STK3: variants seen among roughly 807,000 people sequenced by gnomAD.
STK3 encodes serine/threonine kinase 3, also known as serine/threonine-protein kinase 3.
Under a neutral mutation model 58.0 loss-of-function variants are expected in STK3, and 41 were observed. That is an observed-to-expected ratio of 0.71 (90% confidence interval 0.55 to 0.92). The LOEUF is 0.92. Ranked by LOEUF, STK3 falls within the 40% of genes least tolerant of loss-of-function variation. STK3 has a pLI of 0.00. For missense variants in STK3, 479 were observed against 602.7 expected, an observed-to-expected ratio of 0.79 and a Z score of 2.15; for synonymous variants, 170 against 191.0, an observed-to-expected ratio of 0.89 and a Z score of 0.91.
chr8:98,678,108 G>A (rs1345286720), intron 6 of STK3, among the ~76,000 whole-genome samples: 1 of 152,058 alleles, frequency 6.6e-6, no homozygotes, highest in Non-Finnish European at 1.5e-5. Context: ...ATTATTAATT[G>A]CATGTTTTCT....
At chr8:98,560,365 C>T (rs1051426621) in intron 8 of STK3, among the ~76,000 whole-genome samples, 23 of 151,882 alleles carry the variant, frequency 1.5e-4, no homozygotes, top group Non-Finnish European at 8.8e-5. Flanking sequence ...TGTGTGGCAA[C>T]GTCACAGGAT....
intron 9 of STK3, among the ~76,000 whole-genome samples, chr8:98,543,272 C>T (rs1372618480): frequency 6.6e-6 from 1 of 152,116 alleles, no homozygotes. Flanking sequence ...TAAGTAGGAA[C>T]CAGAGCATAT....
At chr8:98,708,903 G>A (rs1396713483) in intron 4 of STK3, among the ~76,000 whole-genome samples, 1 of 151,732 alleles carries the variant, frequency 6.6e-6, no homozygotes, top group East Asian at 1.9e-4. Context: ...TACTGATCAG[G>A]TGACTCTTGG....
At position 98,766,636 on chromosome 8, in the gene STK3, G is replaced by A. The variant is rs772483131; in HGVS notation, c.236+607C>T. ...TCACTATGTTGCTCAGACTGGCCTTGAACTCCTGGGCTCCTTTACCCTCGA... is the reference window on the plus strand; with the variant it reads ...TCACTATGTTGCTCAGACTGGCCTTAAACTCCTGGGCTCCTTTACCCTCGA... On this transcript the variant is annotated intron_variant, in intron 3 of 10. Transcript: ENST00000419617. 4.9e-4 allele frequency among the ~76,000 whole-genome samples: 74 copies of A among 152,246 alleles called. 3 individuals are homozygous for A. The highest frequency in any genetic ancestry group is 2.6e-4 in the Admixed American group (4 of 15,296).
chr8:98,428,070 C>T lies in STK3; in HGVS notation n.483+6057G>A. The T allele has an allele frequency of 6.2e-7, 1 of 1,613,336 alleles. No individual in the cohort carries two copies. Among genetic ancestry groups the T allele is most frequent in the Non-Finnish European group, 8.5e-7 (1 of 1,179,702 alleles). On this transcript the variant is annotated intron_variant and non_coding_transcript_variant, in intron 3 of 3. Coordinates refer to the STK3 transcript ENST00000517832. This position sits in a 1 kb window ranked among gnomAD's most constrained non-coding sequence, Gnocchi z 6.7. ...TGTGGGCGGCTTCAAGAGGAGGCTG[C>T]GCTCGCACACGCTGCTGCGCTTCCC... is the stretch of plus-strand genomic sequence containing the variant.
chr8:98,888,875 G>T (rs1838092433), intron 1 of STK3, among the ~76,000 whole-genome samples: 2 of 152,146 alleles, frequency 1.3e-5, no homozygotes, highest in Non-Finnish European at 2.9e-5. Flanking sequence ...TTTTCCTCTG[G>T]CCAAACAGCT....
chr8:98,847,213 C>T (rs1836240887), intron 3 of STK3, among the ~76,000 whole-genome samples: 1 of 152,148 alleles, frequency 6.6e-6, no homozygotes, highest in Non-Finnish European at 1.5e-5. Context: ...GTGCTCTGGC[C>T]TGAATACTCA....
intron 6 of STK3, among the ~76,000 whole-genome samples, chr8:98,670,009 C>T (rs1487858291): frequency 6.6e-6 from 1 of 152,178 alleles, no homozygotes; most frequent in Non-Finnish European, 1.5e-5. Flanking sequence ...GATAACTTTT[C>T]AACCCTTTTG....
chr8:98,437,902 G>T (rs1056873255), intron 1 of STK3: 3 of 152,192 alleles, frequency 2.0e-5, no homozygotes, highest in African/African-American at 7.2e-5. Context: ...CTTCCCCACT[G>T]CCTGCTGAAG....
In STK3 at chr8:98,598,912, A is replaced by G. The variant is rs16892239; in HGVS notation, c.685-2743T>C. Reference sequence around the variant, plus strand: ...ATAACGCAAGAAATCTAGGTGCTTCAAAACAACTAATTATCTTCATGCCTG... The same window carrying G: ...ATAACGCAAGAAATCTAGGTGCTTCGAAACAACTAATTATCTTCATGCCTG... On this transcript the variant is annotated intron_variant, in intron 6 of 10. Transcript: ENST00000419617. 5,261 of 985,260 alleles carry G rather than the reference A, an allele frequency of 5.3e-3. 481 individuals carry two copies. The East Asian group carries it at 0.19, about 36-fold the overall frequency. 61.0% of individuals were successfully genotyped at this position (985,260 alleles called of 1,614,324 possible).
At chr8:98,419,846 C>T (rs556723957) in intron 3 of STK3, among the ~76,000 whole-genome samples, 14 of 152,158 alleles carry the variant, frequency 9.2e-5, no homozygotes, top group Non-Finnish European at 1.6e-4. Context: ...CAGACCTGGC[C>T]TCGAAAGCAT....
intron 4 of STK3, among the ~76,000 whole-genome samples, chr8:98,715,234 T>C (rs1057414569): frequency 1.3e-5 from 2 of 152,330 alleles, no homozygotes; most frequent in African/African-American, 4.8e-5. Flanking sequence ...AAGGACTTCA[T>C]GTCTAAAACA....
At chr8:98,555,196 C>A (rs1563735236) in intron 8 of STK3, among the ~76,000 whole-genome samples, 1 of 151,978 alleles carries the variant, frequency 6.6e-6, no homozygotes, top group Non-Finnish European at 1.5e-5. Context: ...GCTAAAACAG[C>A]CTGAGAAATA....
intron 8 of STK3, among the ~76,000 whole-genome samples, chr8:98,569,554 G>C (rs1269907879): frequency 6.6e-6 from 1 of 151,414 alleles, no homozygotes; most frequent in Non-Finnish European, 1.5e-5. Context: ...ATCCAGCAGA[G>C]AGTTTGGGAA....
chr8:98,793,225 G>C (rs1832919534), intron 1 of STK3, among the ~76,000 whole-genome samples: 1 of 152,102 alleles, frequency 6.6e-6, no homozygotes, highest in East Asian at 1.9e-4. Flanking sequence ...ATTGGGTACA[G>C]TGTATACTGC....
At chr8:98,713,723 T>A (rs1170009071) in intron 4 of STK3, among the ~76,000 whole-genome samples, 1 of 152,186 alleles carries the variant, frequency 6.6e-6, no homozygotes, top group Non-Finnish European at 1.5e-5. Context: ...TATCATTCCT[T>A]CTGAAACTAT....
intron 10 of STK3, among the ~76,000 whole-genome samples, chr8:98,518,038 A>G (rs1476660450): frequency 1.3e-5 from 2 of 152,118 alleles, no homozygotes; most frequent in Admixed American, 1.3e-4. Flanking sequence ...TTCTAAATAA[A>G]TGACATTTTA....
rs369763923 is a variant in STK3, at chr8:98,526,817, C to A, written c.1242G>T (p.Met414Ile). The change falls in exon 10 of 11, where the codon ATG becomes ATT. Residue 414 changes from methionine to isoleucine, a missense_variant. Met to Ile is a conservative substitution (Grantham distance 10). Coordinates refer to ENST00000419617, the MANE Select transcript of STK3 (RefSeq NM_006281.4). ...TTTTGGACATAGGGAAGGGTTCATGCATGTTCTGATTACAGTTTTCGTGAC... is the reference window on the plus strand; with the variant it reads ...TTTTGGACATAGGGAAGGGTTCATGAATGTTCTGATTACAGTTTTCGTGAC... ...NKSHENCNQN[M>I]HEPFPMSKNV... 57 of 1,600,710 alleles carry A rather than the reference C, an allele frequency of 3.6e-5. No homozygotes were observed. The Middle Eastern group carries it at 5.0e-4, about 14-fold the overall frequency.
intron 3 of STK3, among the ~76,000 whole-genome samples, chr8:98,433,016 G>A (rs1464037780): frequency 5.9e-5 from 9 of 152,194 alleles, no homozygotes; most frequent in African/African-American, 2.2e-4. Context: ...TAGCAAACAA[G>A]GAGGGCATTC....
Sources: allele counts gnomAD v4.1 joint callset (sites outside exome capture counted in the v4.1 genomes callset), GRCh38; gene constraint gnomAD v4.1.1; non-coding constraint Gnocchi (gnomAD v3.1); transcripts MANE v1.5; gene names NCBI Gene and HGNC (gene_info 2026-07-23, HGNC 2026-07-21).